Variants in GORAB observed in about 807,000 individuals in gnomAD.
GORAB encodes golgin, RAB6 interacting, also known as RAB6-interacting golgin.
In GORAB, 17 loss-of-function variants were observed where a neutral mutation model predicts 29.9. The observed-to-expected ratio is 0.57, with a 90% confidence interval of 0.39 to 0.85. GORAB has a LOEUF of 0.85. Ranked by LOEUF, GORAB falls within the 40% of genes least tolerant of loss-of-function variation. The probability of loss-of-function intolerance (pLI) is 0.00; values close to 1 mark genes in which losing one functional copy is unlikely to be tolerated. For synonymous variants in GORAB, 183 were observed against 157.2 expected (o/e 1.16, Z -1.23); for missense variants, 442 against 437.8 (o/e 1.01, Z -0.09).
rs1191049327 is a variant in GORAB, at chr1:170,552,577, A to G, written c.*115A>G. The G allele has an allele frequency of 5.5e-6, 5 of 916,374 alleles. No homozygotes were observed. Among genetic ancestry groups the G allele is most frequent in the Non-Finnish European group, 8.9e-6 (5 of 564,692 alleles). The allele number at this position is 916,374 out of a possible 1,614,324, so 56.8% of individuals were successfully genotyped here. A position where few individuals can be genotyped will look rare whatever the true frequency, so the allele number is the denominator to read the frequency against. ...TAAAACAATGCTGATTTTTGAATTC[A>G]TGATTAGTTTTAGTAAATTAATAGG... On this transcript the variant is annotated 3_prime_UTR_variant, in exon 5 of 5. Coordinates refer to ENST00000367763, the MANE Select transcript of GORAB (RefSeq NM_152281.3).
At chr1:170,533,756 G>C (rs1243354501) in intron 1 of GORAB, 3 of 319,182 alleles carry the variant, frequency 9.4e-6, no homozygotes, top group Non-Finnish European at 2.0e-5. Flanking sequence ...GGATGGTGAG[G>C]ACCTGAACTT....
At position 170,542,654 on chromosome 1, in the gene GORAB, A is replaced by G. The variant is rs1649509304; in HGVS notation, c.521+62A>G. 3.7e-6 allele frequency: 4 copies of G among 1,082,454 alleles called. No homozygotes were observed. The South Asian group carries it at 5.0e-5, about 14-fold the overall frequency. 67.1% of individuals were successfully genotyped at this position (1,082,454 alleles called of 1,614,324 possible). A position where few individuals can be genotyped will look rare whatever the true frequency, so the allele number is the denominator to read the frequency against. On this transcript the variant is annotated intron_variant, in intron 3 of 4. Coordinates refer to ENST00000367763, the MANE Select transcript of GORAB (RefSeq NM_152281.3). Reference sequence around the variant, plus strand: ...TGTAACCAGTTGTGTCATGTGTTATATTTGTTTTCCCATGTCTCTTTTAAT... The same window carrying G: ...TGTAACCAGTTGTGTCATGTGTTATGTTTGTTTTCCCATGTCTCTTTTAAT...
chr1:170,544,534 A>C, intron 3 of GORAB, 171 bp from the exon 4 acceptor site: 3 of 530,944 alleles, frequency 5.7e-6, no homozygotes, highest in Non-Finnish European at 9.7e-6. Context: ...AATTTCAAAA[A>C]CTCAAATGTT....
chr1:170,542,398 A>T (rs1649487057), intron 2 of GORAB, 93 bp from the exon 3 acceptor site: 1 of 749,546 alleles, frequency 1.3e-6, no homozygotes, highest in Non-Finnish European at 2.3e-6. Context: ...ATTAAATTTT[A>T]TACTTAGAGG....
rs569340698 is a variant in GORAB at position 170,552,489 on chromosome 1, T to C, written c.*27T>C. 6.3e-6 allele frequency: 10 copies of C among 1,577,768 alleles called. No individual in the cohort carries two copies. The African/African-American group carries it at 1.1e-4, about 17-fold the overall frequency. ...GTTCTGGTATTCTTTTGAGCTAATA[T>C]GGTATTGAGTAAAGTATACTTTTTG... On this transcript the variant is annotated 3_prime_UTR_variant, in exon 5 of 5. Transcript: ENST00000367763.
chr1:170,539,393 C>T lies in GORAB; in HGVS notation c.245C>T (p.Ser82Phe). The T allele has an allele frequency of 2.5e-6, 4 of 1,614,122 alleles. No homozygotes were observed. In the African/African-American group the frequency reaches 4.0e-5, roughly 16 times the overall value. ...RVNVQKPPFSSPTLPSHFTLT... is the reference protein window; with the variant it reads ...RVNVQKPPFSFPTLPSHFTLT... ...AACGTTCAAAAACCACCTTTTTCTT[C>T]CCCTACTCTTCCGAGTCATTTCACT... The change falls in exon 2 of 5, where the codon TCC (serine) becomes TTC (phenylalanine). Residue 82 changes from serine to phenylalanine, a missense_variant. By Grantham distance (155) the Ser-to-Phe change is radical. Coordinates refer to ENST00000367763, the MANE Select transcript of GORAB (RefSeq NM_152281.3).
At chr1:170,532,591 C>G (rs1648764980) in intron 1 of GORAB, 2 of 386,230 alleles carry the variant, frequency 5.2e-6, no homozygotes, top group Admixed American at 3.9e-5. Context: ...GGGTGTCTCC[C>G]TTAGGGAAGA....
chr1:170,545,193 T>C (rs1039084258), intron 4 of GORAB: 1 of 1,011,622 alleles, frequency 9.9e-7, no homozygotes, highest in African/African-American at 1.7e-5. Context: ...TCGCCAAAAC[T>C]GTTACTCTGA....
At chr1:170,537,508 A>G (rs1254845549) in intron 1 of GORAB, among the ~76,000 whole-genome samples, 1 of 152,204 alleles carries the variant, frequency 6.6e-6, no homozygotes, top group African/African-American at 2.4e-5. Context: ...TAAAACCACT[A>G]AGATTTGCCC....
intron 1 of GORAB, chr1:170,533,483 C>G (rs1223347284): frequency 9.3e-6 from 4 of 430,726 alleles, no homozygotes; most frequent in Non-Finnish European, 1.9e-5. Context: ...GCCCTGGCCT[C>G]TGGTCTGACT....
In GORAB at chr1:170,532,302, C is replaced by T. The variant is rs1284500328; in HGVS notation, c.61+18C>T. 6 of 1,613,558 alleles carry T rather than the reference C, an allele frequency of 3.7e-6. No individual in the cohort carries two copies. Among genetic ancestry groups the T allele is most frequent in the Admixed American group, 1.7e-5 (1 of 60,010 alleles). On this transcript the variant is annotated intron_variant, in intron 1 of 4. Coordinates refer to ENST00000367763, the MANE Select transcript of GORAB (RefSeq NM_152281.3). ...GACTAAAGGTTACAAGATGGGTTTA[C>T]AGTGGTTTAATTCTTGGGTCTTAAG...
chr1:170,549,013 CT>C (rs1649924930), intron 4 of GORAB, among the ~76,000 whole-genome samples: 1 of 151,962 alleles, frequency 6.6e-6, no homozygotes, highest in South Asian at 2.1e-4. Context: ...AGAAAAGGAA[CT>C]GAAAAACTAA....
intron 4 of GORAB, chr1:170,545,168 AAT>A (rs1244478259): frequency 8.7e-6 from 9 of 1,032,010 alleles, no homozygotes; most frequent in Non-Finnish European, 9.3e-6. Flanking sequence ...TAGCAAAGTA[AAT>A]ATCTGAGTGG....
intron 3 of GORAB, among the ~76,000 whole-genome samples, chr1:170,542,950 T>G (rs1032625539): frequency 2.0e-5 from 3 of 152,218 alleles, no homozygotes; most frequent in Non-Finnish European, 4.4e-5. Context: ...TGGGGAGGCC[T>G]TAATCATTTG....
intron 4 of GORAB, 105 bp from the exon 5 acceptor site, chr1:170,551,910 A>G (rs1650134553): frequency 4.2e-6 from 4 of 952,490 alleles, no homozygotes; most frequent in Non-Finnish European, 5.0e-6. Flanking sequence ...TCTTCATTAT[A>G]TATTTTTTCC....
chr1:170,539,198 T>G lies in GORAB; in HGVS notation c.62-12T>G, dbSNP rs1649240171. On this transcript the variant is annotated splice_polypyrimidine_tract_variant and intron_variant, in intron 1 of 4. Transcript: ENST00000367763. ...CACACAAAGGAATTTTCCTCTATTT[T>G]CTTTTACATAGATCCATTTGAACCA... The G allele has an allele frequency of 6.8e-6, 11 of 1,614,078 alleles. No homozygotes were observed. Among genetic ancestry groups the G allele is most frequent in the Non-Finnish European group, 9.3e-6 (11 of 1,179,954 alleles).
At chr1:170,533,731 C>T in intron 1 of GORAB, 1 of 349,330 alleles carries the variant, frequency 2.9e-6, no homozygotes, top group Non-Finnish European at 6.1e-6. Flanking sequence ...ATCTTTGCAA[C>T]CGGGGGTAGA....
chr1:170,545,346 C>G (rs1465821703), intron 4 of GORAB: 1 of 961,828 alleles, frequency 1.0e-6, no homozygotes, highest in African/African-American at 1.8e-5. Flanking sequence ...TTAAGCATAT[C>G]CTCTGTCTTG....
rs947836277 is a variant in GORAB, at chr1:170,539,725, A to G, written c.419+158A>G. On this transcript the variant is annotated intron_variant, in intron 2 of 4. Coordinates refer to ENST00000367763, the MANE Select transcript of GORAB (RefSeq NM_152281.3). ...ATGTATAAACTATTGAAAAATAGCTACTGCCTAAATATAAGCTGGACACAG... is the reference window on the plus strand; with the variant it reads ...ATGTATAAACTATTGAAAAATAGCTGCTGCCTAAATATAAGCTGGACACAG... 9.2e-6 allele frequency: 7 copies of G among 758,742 alleles called. No homozygotes were observed. In the African/African-American group the frequency reaches 1.2e-4, roughly 13 times the overall value. The allele number at this position is 758,742 out of a possible 1,614,324, so 47.0% of individuals were successfully genotyped here.
Sources: gnomAD v4.1 joint callset for allele counts (sites outside exome capture counted in the v4.1 genomes callset) on GRCh38, gnomAD v4.1.1 for gene constraint, MANE v1.5 for transcripts, NCBI Gene and HGNC (gene_info 2026-07-23, HGNC 2026-07-21) for gene names.